The following SEMA5A variants were observed in gnomAD, a reference collection of about 807,000 sequenced individuals.
SEMA5A encodes the protein semaphorin 5A.
In SEMA5A, 55 loss-of-function variants were observed where a neutral mutation model predicts 135.5. The ratio of observed to expected loss-of-function variants is 0.41; its 90% CI spans 0.33 to 0.51. The LOEUF is 0.51. SEMA5A is among the 20% of genes least tolerant of loss of function. The probability of loss-of-function intolerance (pLI) is 0.37; values close to 1 mark genes in which losing one functional copy is unlikely to be tolerated. For missense variants in SEMA5A, 1,290 were observed against 1,419.9 expected, an observed-to-expected ratio of 0.91 and a Z score of 1.47; for synonymous variants, 580 against 546.5, an observed-to-expected ratio of 1.06 and a Z score of -0.85.
intron 1 of SEMA5A, among the ~76,000 whole-genome samples, chr5:9,441,051 C>A (rs1414508121): frequency 1.3e-5 from 2 of 152,166 alleles, no homozygotes; most frequent in Admixed American, 1.3e-4. Flanking sequence ...AGACCAGTGC[C>A]ATGGCATTTA....
At chr5:9,436,834 A>T (rs543164183) in intron 2 of SEMA5A, among the ~76,000 whole-genome samples, 1 of 152,238 alleles carries the variant, frequency 6.6e-6, no homozygotes, top group East Asian at 1.9e-4. Flanking sequence ...GCCTTCCCAG[A>T]AGGTAGCAAC....
In SEMA5A at chr5:9,122,758, A is replaced by AT; in HGVS notation, c.1678_1679insA (p.Val560AspfsTer87). On this transcript the variant is annotated frameshift_variant, in exon 14 of 23. Transcript: ENST00000382496. LOFTEE classifies it high-confidence loss of function. ...GCGGGTTCGACAGAGGCAGGATCCC[A>AT]CGGCGCTGCCATCTGTGTGCGTGCA... 1 of 1,613,688 alleles carries AT rather than the reference A, an allele frequency of 6.2e-7. No homozygotes were observed.
chr5:9,459,860 T>C (rs1396666749), intron 1 of SEMA5A, among the ~76,000 whole-genome samples: 1 of 152,224 alleles, frequency 6.6e-6, no homozygotes, highest in Non-Finnish European at 1.5e-5. Flanking sequence ...AAAATATAAA[T>C]GTATATTTTA....
chr5:9,311,156 C>T (rs1452595050), intron 5 of SEMA5A, among the ~76,000 whole-genome samples: 2 of 151,912 alleles, frequency 1.3e-5, no homozygotes, highest in African/African-American at 4.8e-5. Context: ...CGGGGGGGTC[C>T]TGCTCTGTGC....
At chr5:9,121,939 A>G (rs1740834872) in intron 14 of SEMA5A, among the ~76,000 whole-genome samples, 2 of 151,972 alleles carry the variant, frequency 1.3e-5, no homozygotes, top group African/African-American at 4.8e-5. Context: ...TTTTCATTCT[A>G]AGTGGGCTCA....
chr5:9,153,313 G>C (rs1742737610), intron 12 of SEMA5A, among the ~76,000 whole-genome samples: 1 of 152,232 alleles, frequency 6.6e-6, no homozygotes. Flanking sequence ...GCGATCTTTT[G>C]TCAGGGATCA....
At chr5:9,217,085 G>A (rs763922869) in intron 8 of SEMA5A, among the ~76,000 whole-genome samples, 3 of 152,148 alleles carry the variant, frequency 2.0e-5, no homozygotes, top group African/African-American at 4.8e-5. Flanking sequence ...CACTGGCTGC[G>A]TGTTTAAGGG....
At chr5:9,468,142 A>T (rs1759332374) in intron 1 of SEMA5A, among the ~76,000 whole-genome samples, 1 of 152,216 alleles carries the variant, frequency 6.6e-6, no homozygotes, top group Non-Finnish European at 1.5e-5. Flanking sequence ...CAAAAACGGC[A>T]GGGAGGGCCC....
intron 5 of SEMA5A, among the ~76,000 whole-genome samples, chr5:9,307,570 C>A (rs527796955): frequency 1.1e-4 from 16 of 151,956 alleles, no homozygotes; most frequent in African/African-American, 3.9e-4. Context: ...TTACAGAACA[C>A]ATTATCTCTT....
At chr5:9,487,985 C>T (rs2126793230) in intron 1 of SEMA5A, among the ~76,000 whole-genome samples, 1 of 152,228 alleles carries the variant, frequency 6.6e-6, no homozygotes. Flanking sequence ...TTTTCCACTT[C>T]AACATGCAAA....
At chr5:9,183,549 G>C (rs932102953) in intron 11 of SEMA5A, among the ~76,000 whole-genome samples, 2 of 152,176 alleles carry the variant, frequency 1.3e-5, no homozygotes, top group African/African-American at 4.8e-5. Context: ...GTCAGCCACG[G>C]GGGCAGCTGA....
intron 6 of SEMA5A, 71 bp from the exon 7 acceptor site, chr5:9,227,038 C>T: frequency 1.3e-6 from 1 of 750,818 alleles, no homozygotes; most frequent in Non-Finnish European, 1.8e-6. Flanking sequence ...CTAACAAAGT[C>T]TGAGCACAAG....
chr5:9,079,460 G>T (rs1364217064), intron 16 of SEMA5A, among the ~76,000 whole-genome samples: 1 of 152,036 alleles, frequency 6.6e-6, no homozygotes, highest in Non-Finnish European at 1.5e-5. Flanking sequence ...GAGAAAGTAG[G>T]AAGGATCTAA....
chr5:9,083,582 CCATT>C (rs771251573), intron 16 of SEMA5A, among the ~76,000 whole-genome samples: 755 of 64,692 alleles, frequency 0.012, 2 homozygotes, highest in East Asian at 0.054. Flanking sequence ...ATTCATTCAT[CCATT>C]CATCCATCCA....
At chr5:9,477,113 TTCTCTCTC>T (rs145236684) in intron 1 of SEMA5A, among the ~76,000 whole-genome samples, 2 of 148,636 alleles carry the variant, frequency 1.3e-5, no homozygotes, top group Non-Finnish European at 1.5e-5. Context: ...CTCCTTCTCA[TTCTCTCTC>T]TCTCTCTCTC....
At chr5:9,107,322 G>A (rs1161333551) in intron 16 of SEMA5A, among the ~76,000 whole-genome samples, 1 of 151,794 alleles carries the variant, frequency 6.6e-6, no homozygotes, top group Non-Finnish European at 1.5e-5. Context: ...AATTTTATTT[G>A]ACAGTTTAAA....
intron 16 of SEMA5A, among the ~76,000 whole-genome samples, chr5:9,078,008 C>A (rs962121743): frequency 1.3e-5 from 2 of 152,196 alleles, no homozygotes; most frequent in Admixed American, 1.3e-4. Context: ...CACTGGAAAT[C>A]TTTATTACAG....
chr5:9,531,100 T>C (rs545168417), intron 1 of SEMA5A, among the ~76,000 whole-genome samples: 2 of 152,210 alleles, frequency 1.3e-5, no homozygotes, highest in Admixed American at 1.3e-4. Flanking sequence ...CCTAAAAAAC[T>C]CCAGGAAGCA....
intron 3 of SEMA5A, among the ~76,000 whole-genome samples, chr5:9,372,533 T>C (rs973409356): frequency 6.6e-6 from 1 of 151,606 alleles, no homozygotes; most frequent in African/African-American, 2.4e-5. Flanking sequence ...CATGGATACA[T>C]GGACACACAT....
Sources: gnomAD v4.1 joint callset for allele counts (sites outside exome capture counted in the v4.1 genomes callset) on GRCh38, gnomAD v4.1.1 for gene constraint, MANE v1.5 for transcripts, NCBI Gene and HGNC (gene_info 2026-07-23, HGNC 2026-07-21) for gene names.